The following MYRIP variants were observed in gnomAD, a reference collection of about 807,000 sequenced individuals.
The protein encoded by MYRIP is rab effector MyRIP.
Under a neutral mutation model 98.0 loss-of-function variants are expected in MYRIP, and 49 were observed. That is an observed-to-expected ratio of 0.50 (90% CI 0.40 to 0.63). The LOEUF (loss-of-function observed/expected upper bound fraction) is 0.63. MYRIP is among the 30% of genes least tolerant of loss of function. The pLI is 0.00. For missense variants in MYRIP, 1,004 were observed against 1,058.2 expected, an observed-to-expected ratio of 0.95 and a Z score of 0.71; for synonymous variants, 404 against 409.5, an observed-to-expected ratio of 0.99 and a Z score of 0.16.
intron 2 of MYRIP, among the ~76,000 whole-genome samples, chr3:39,937,027 G>A (rs1400216411): frequency 6.6e-6 from 1 of 152,098 alleles, no homozygotes; most frequent in Non-Finnish European, 1.5e-5. Flanking sequence ...ACCCAGCTTG[G>A]CAGTGACAGA....
chr3:39,841,254 A>G (rs1456334658), intron 1 of MYRIP, among the ~76,000 whole-genome samples: 3 of 150,768 alleles, frequency 2.0e-5, no homozygotes, highest in Non-Finnish European at 4.5e-5. Flanking sequence ...ATTTGGCTAC[A>G]ACGTATGCTT....
At chr3:40,235,833 G>A (rs1036703090) in intron 12 of MYRIP, among the ~76,000 whole-genome samples, 1 of 152,304 alleles carries the variant, frequency 6.6e-6, no homozygotes, top group East Asian at 1.9e-4. Flanking sequence ...GGGATGAATG[G>A]GGAAGGTACT....
At chr3:39,946,238 C>T (rs1183422546) in intron 2 of MYRIP, among the ~76,000 whole-genome samples, 5 of 152,022 alleles carry the variant, frequency 3.3e-5, no homozygotes, top group African/African-American at 1.2e-4. Context: ...AACGTGATTA[C>T]CAGAGACTCA....
At chr3:39,873,923 C>T (rs1483633262) in intron 1 of MYRIP, among the ~76,000 whole-genome samples, 4 of 151,994 alleles carry the variant, frequency 2.6e-5, no homozygotes, top group African/African-American at 7.3e-5. Flanking sequence ...TGTAAATTAC[C>T]TTGGGCAGTA....
At chr3:40,158,494 T>C (rs1488906466) in intron 4 of MYRIP, among the ~76,000 whole-genome samples, 2 of 152,116 alleles carry the variant, frequency 1.3e-5, no homozygotes, top group East Asian at 1.9e-4. Context: ...TGGAGAGTTC[T>C]GTAGATGTCT....
At chr3:40,134,469 C>A (rs1168354772) in intron 3 of MYRIP, among the ~76,000 whole-genome samples, 1 of 152,262 alleles carries the variant, frequency 6.6e-6, no homozygotes, top group Non-Finnish European at 1.5e-5. Context: ...AGGGCACAGA[C>A]AAACAAAAGA....
At chr3:40,067,587 AG>A (rs1948148436) in intron 3 of MYRIP, among the ~76,000 whole-genome samples, 1 of 152,088 alleles carries the variant, frequency 6.6e-6, no homozygotes, top group South Asian at 2.1e-4. Context: ...AGCACAGAGG[AG>A]GGTGAGGATC....
At chr3:40,119,215 A>G (rs1382752387) in intron 3 of MYRIP, among the ~76,000 whole-genome samples, 1 of 151,842 alleles carries the variant, frequency 6.6e-6, no homozygotes, top group Non-Finnish European at 1.5e-5. Context: ...AAGTGTTCCT[A>G]TTTCTCCACA....
intron 2 of MYRIP, among the ~76,000 whole-genome samples, chr3:39,912,605 A>G (rs1944048378): frequency 6.6e-6 from 1 of 152,234 alleles, no homozygotes; most frequent in Non-Finnish European, 1.5e-5. Context: ...GTACAACCCC[A>G]TATAACACTT....
At chr3:39,900,517 T>C (rs1015977533) in intron 1 of MYRIP, among the ~76,000 whole-genome samples, 2 of 151,658 alleles carry the variant, frequency 1.3e-5, no homozygotes, top group African/African-American at 4.9e-5. Flanking sequence ...CTAAGTCTTA[T>C]GTATGGTTCA....
intron 11 of MYRIP, among the ~76,000 whole-genome samples, chr3:40,217,917 G>A (rs1376775513): frequency 1.3e-5 from 2 of 152,062 alleles, no homozygotes; most frequent in Non-Finnish European, 2.9e-5. Flanking sequence ...GATGACTTTA[G>A]ATTCCTGAGT....
intron 1 of MYRIP, among the ~76,000 whole-genome samples, chr3:39,826,537 A>T (rs906440391): frequency 2.6e-5 from 4 of 152,142 alleles, no homozygotes; most frequent in Admixed American, 1.3e-4. Context: ...ATGATGTTTT[A>T]AAAAATTTTT....
intron 3 of MYRIP, among the ~76,000 whole-genome samples, chr3:40,128,619 C>G (rs1461583382): frequency 6.6e-6 from 1 of 152,206 alleles, no homozygotes; most frequent in East Asian, 1.9e-4. Context: ...ACCTGGATTC[C>G]CCAGCTTGGA....
intron 2 of MYRIP, among the ~76,000 whole-genome samples, chr3:39,932,012 A>C (rs2034959): frequency 0.37 from 56,340 of 151,998 alleles, 10,757 homozygotes; most frequent in East Asian, 0.45. Flanking sequence ...TACTGCTGCC[A>C]CATAGAATTA....
chr3:40,037,651 G>T (rs762012914), intron 2 of MYRIP, among the ~76,000 whole-genome samples: 2 of 151,980 alleles, frequency 1.3e-5, no homozygotes, highest in Non-Finnish European at 2.9e-5. Flanking sequence ...ACAGGTATGG[G>T]ACAATGACAA....
intron 9 of MYRIP, 82 bp downstream of exon 9, chr3:40,182,455 T>C: frequency 1.4e-6 from 2 of 1,449,160 alleles, no homozygotes; most frequent in Non-Finnish European, 1.9e-6. Flanking sequence ...GCATGGCCAC[T>C]CTGCTCTTCT....
At chr3:39,990,363 C>T (rs140491884) in intron 2 of MYRIP, among the ~76,000 whole-genome samples, 6 of 152,254 alleles carry the variant, frequency 3.9e-5, no homozygotes, top group Non-Finnish European at 5.9e-5. Flanking sequence ...GTGCAGGATT[C>T]GCATGCTGTT....
chr3:40,085,685 G>C (rs73063978), intron 3 of MYRIP, among the ~76,000 whole-genome samples: 22,620 of 152,136 alleles, frequency 0.15, 1,626 homozygotes, highest in East Asian at 0.2. Context: ...GAGTACTTAG[G>C]AATTAGTGGG....
At chr3:40,020,368 A>G (rs1946964470) in intron 2 of MYRIP, among the ~76,000 whole-genome samples, 2 of 152,208 alleles carry the variant, frequency 1.3e-5, no homozygotes, top group South Asian at 2.1e-4. Context: ...ACTTGATTGT[A>G]TTTATTTCTA....
Sources: gnomAD v4.1 joint callset for allele counts (sites outside exome capture counted in the v4.1 genomes callset) on GRCh38, gnomAD v4.1.1 for gene constraint, MANE v1.5 for transcripts, NCBI Gene and HGNC (gene_info 2026-07-23, HGNC 2026-07-21) for gene names.